ANKRD11: variants seen among roughly 807,000 people sequenced by gnomAD.
ANKRD11 encodes the protein ankyrin repeat domain 11.
A neutral mutation model predicts 195.7 loss-of-function variants in ANKRD11; 17 were observed. The ratio of observed to expected loss-of-function variants is 0.09; its 90% CI spans 0.06 to 0.13. ANKRD11 has a LOEUF of 0.13. Ranked by LOEUF, ANKRD11 falls within the 10% of genes least tolerant of loss-of-function variation. The pLI is 1.00. For synonymous variants in ANKRD11, 1,953 were observed against 1,528.1 expected, an observed-to-expected ratio of 1.28 and a Z score of -6.49; for missense variants, 3,735 against 3,566.1, an observed-to-expected ratio of 1.05 and a Z score of -1.21.
chr16:89,419,234 T>C (rs575923718), intron 1 of ANKRD11, among the ~76,000 whole-genome samples: 127 of 151,926 alleles, frequency 8.4e-4, no homozygotes, highest in Non-Finnish European at 1.7e-3. Flanking sequence ...GGCGGATCAC[T>C]TGAGGTCATG....
At chr16:89,454,394 G>C (rs1236356225) in intron 1 of ANKRD11, among the ~76,000 whole-genome samples, 1 of 152,130 alleles carries the variant, frequency 6.6e-6, no homozygotes, top group Admixed American at 6.5e-5. Context: ...TTACATCCTT[G>C]ACCTAGTGGG....
At chr16:89,423,772 C>T (rs551511298) in intron 1 of ANKRD11, among the ~76,000 whole-genome samples, 15 of 152,176 alleles carry the variant, frequency 9.9e-5, no homozygotes, top group Non-Finnish European at 1.6e-4. Flanking sequence ...TTAAATGGTC[C>T]GTTTTCCAGG....
intron 2 of ANKRD11, among the ~76,000 whole-genome samples, chr16:89,371,258 A>C (rs1239138363): frequency 2.6e-5 from 4 of 152,232 alleles, no homozygotes; most frequent in Non-Finnish European, 4.4e-5. Flanking sequence ...ACCTACACAG[A>C]GAGGCAGGTT....
intron 6 of ANKRD11, 136 bp from the exon 7 acceptor site, chr16:89,288,806 T>A (rs2034830851): frequency 8.1e-7 from 1 of 1,240,132 alleles, no homozygotes; most frequent in African/African-American, 1.5e-5. Context: ...AGGGCTGCAG[T>A]TTAGGGAAGC....
At chr16:89,387,692 G>GAAAAAAAAAAAAAAAAAA (rs920498026) in intron 2 of ANKRD11, among the ~76,000 whole-genome samples, 1 of 67,496 alleles carries the variant, frequency 1.5e-5, no homozygotes, top group Non-Finnish European at 3.1e-5. Flanking sequence ...AAAAGAAAAA[G>GAAAAAAAAAAAAAAAAAA]AAAAAAAAAA....
chr16:89,410,531 C>G (rs375708059), intron 2 of ANKRD11, among the ~76,000 whole-genome samples: 2 of 152,140 alleles, frequency 1.3e-5, no homozygotes, highest in African/African-American at 2.4e-5. Flanking sequence ...CACCTGCCCC[C>G]GGGCTACAAA....
chr16:89,335,562 C>T (rs535832140), intron 2 of ANKRD11, among the ~76,000 whole-genome samples: 40 of 152,350 alleles, frequency 2.6e-4, no homozygotes, highest in African/African-American at 9.6e-4. Flanking sequence ...CCTCAGGACC[C>T]TGTAGCAGAA....
intron 2 of ANKRD11, among the ~76,000 whole-genome samples, chr16:89,414,562 A>G (rs1168599556): frequency 6.6e-6 from 1 of 152,234 alleles, no homozygotes; most frequent in Non-Finnish European, 1.5e-5. Context: ...TTGTTTCTGT[A>G]AAGTGTTATT....
chr16:89,434,936 T>C (rs1184071395), intron 1 of ANKRD11, among the ~76,000 whole-genome samples: 1 of 152,112 alleles, frequency 6.6e-6, no homozygotes, highest in African/African-American at 2.4e-5. Flanking sequence ...GATGGCTAGG[T>C]GAAGCAGGGC....
At chr16:89,389,252 T>C (rs910515121) in intron 2 of ANKRD11, among the ~76,000 whole-genome samples, 2 of 151,978 alleles carry the variant, frequency 1.3e-5, no homozygotes, top group African/African-American at 4.8e-5. Flanking sequence ...CTCAAACTCC[T>C]GGGCTCAAGC....
intron 2 of ANKRD11, chr16:89,392,590 T>C (rs1247794375): frequency 2.0e-5 from 3 of 151,828 alleles, no homozygotes; most frequent in African/African-American, 7.3e-5. Flanking sequence ...TCGTGATGTG[T>C]TGAAGCAGAC....
At chr16:89,276,306 G>A (rs2033646121) in intron 9 of ANKRD11, among the ~76,000 whole-genome samples, 1 of 152,232 alleles carries the variant, frequency 6.6e-6, no homozygotes, top group Non-Finnish European at 1.5e-5. Flanking sequence ...GCGCACAGGA[G>A]TGACTGCTGC....
intron 2 of ANKRD11, chr16:89,323,759 T>C: frequency 3.9e-6 from 1 of 257,734 alleles, no homozygotes; most frequent in Non-Finnish European, 7.5e-6. Flanking sequence ...CTCTCCTTCC[T>C]CCTCAGGGCC....
intron 2 of ANKRD11, among the ~76,000 whole-genome samples, chr16:89,344,476 G>T (rs2038844785): frequency 6.6e-6 from 1 of 152,184 alleles, no homozygotes; most frequent in Non-Finnish European, 1.5e-5. Flanking sequence ...TCTGTCTGAA[G>T]CGAGTGACAC....
intron 2 of ANKRD11, among the ~76,000 whole-genome samples, chr16:89,317,452 C>G (rs768274253): frequency 1.3e-5 from 2 of 152,214 alleles, no homozygotes; most frequent in Non-Finnish European, 2.9e-5. Flanking sequence ...GTCCCTTCCC[C>G]GCATTACAGG....
chr16:89,296,090 G>C (rs1170915893), intron 4 of ANKRD11, among the ~76,000 whole-genome samples: 1 of 135,960 alleles, frequency 7.4e-6, no homozygotes, highest in African/African-American at 2.8e-5. Flanking sequence ...CCAGGCTCAA[G>C]CGACCCTCCC....
intron 1 of ANKRD11, among the ~76,000 whole-genome samples, chr16:89,473,324 T>A (rs2057151281): frequency 6.6e-6 from 1 of 152,202 alleles, no homozygotes; most frequent in Middle Eastern, 3.4e-3. Flanking sequence ...AAATAACCAA[T>A]CTCTGCCTAG....
At chr16:89,396,491 A>G (rs981701536) in intron 2 of ANKRD11, among the ~76,000 whole-genome samples, 1 of 152,130 alleles carries the variant, frequency 6.6e-6, no homozygotes, top group Non-Finnish European at 1.5e-5. Flanking sequence ...CTCCATAATT[A>G]TATCAAAAAG....
At chr16:89,374,219 C>A (rs543074322) in intron 2 of ANKRD11, among the ~76,000 whole-genome samples, 1 of 152,094 alleles carries the variant, frequency 6.6e-6, no homozygotes, top group African/African-American at 2.4e-5. Context: ...CAAAGATTTA[C>A]AGTATTTTCA....
Sources: gnomAD v4.1 joint callset for allele counts (sites outside exome capture counted in the v4.1 genomes callset) on GRCh38, gnomAD v4.1.1 for gene constraint, MANE v1.5 for transcripts, NCBI Gene and HGNC (gene_info 2026-07-23, HGNC 2026-07-21) for gene names.